The following SLC38A2 variants were observed in gnomAD, a reference collection of about 807,000 sequenced individuals.
SLC38A2 encodes sodium-coupled neutral amino acid symporter 2.
SLC38A2 carries 11 observed loss-of-function variants against 61.5 expected under a neutral mutation model. The observed-to-expected ratio is 0.18, with a 90% CI of 0.11 to 0.30. The LOEUF is 0.30. Ranked by LOEUF, SLC38A2 falls within the 10% of genes least tolerant of loss-of-function variation. The pLI is 1.00. For synonymous variants in SLC38A2, 217 were observed against 212.5 expected (o/e 1.02, Z -0.18); for missense variants, 522 against 600.4 (o/e 0.87, Z 1.36).
At chr12:46,371,447 G>T (rs1214934313) in intron 1 of SLC38A2, 68 bp from the exon 2 acceptor site, 2 of 621,380 alleles carry the variant, frequency 3.2e-6, no homozygotes, top group Non-Finnish European at 5.6e-6. Flanking sequence ...ACGCCGCCCG[G>T]AGGCGCAGCG....
At chr12:46,362,801 C>G in intron 13 of SLC38A2, 163 bp from the exon 14 acceptor site, 2 of 940,968 alleles carry the variant, frequency 2.1e-6, no homozygotes, top group South Asian at 1.9e-5. Flanking sequence ...GTTTCCTGAA[C>G]ATCTGAACAC....
At position 46,358,397 on chromosome 12, in the gene SLC38A2, C is replaced by T. The variant is rs955959891; in HGVS notation, c.*2714G>A. 2 of 152,312 alleles carry T rather than the reference C, an allele frequency of 1.3e-5. No individual in the cohort carries two copies. Among genetic ancestry groups the T allele is most frequent in the African/African-American group, 4.8e-5 (2 of 41,374 alleles). 9.4% of individuals were successfully genotyped at this position (152,312 alleles called of 1,614,324 possible). On this transcript the variant is annotated 3_prime_UTR_variant, in exon 16 of 16. Transcript: ENST00000256689. Reference sequence around the variant, plus strand: ...CTAGATCACATTTTATTTCATTACACTAGATCACATTTTGATTACTGCATT... The same window carrying T: ...CTAGATCACATTTTATTTCATTACATTAGATCACATTTTGATTACTGCATT...
chr12:46,360,647 T>C lies in SLC38A2; in HGVS notation c.*464A>G, dbSNP rs1055220090. On this transcript the variant is annotated 3_prime_UTR_variant, in exon 16 of 16. Coordinates refer to ENST00000256689, the MANE Select transcript of SLC38A2 (RefSeq NM_018976.5). ...TTTCTTAAAAGTAAAAGAGTGCTTCTGAGGTCTTTAAGTATTTTTGGTACA... is the reference window on the plus strand; with the variant it reads ...TTTCTTAAAAGTAAAAGAGTGCTTCCGAGGTCTTTAAGTATTTTTGGTACA... 1 of 153,514 alleles carries C rather than the reference T, an allele frequency of 6.5e-6. No individual in the cohort carries two copies. Among genetic ancestry groups the C allele is most frequent in the African/African-American group, 2.4e-5 (1 of 41,502 alleles). 9.5% of individuals were successfully genotyped at this position (153,514 alleles called of 1,614,324 possible). A position where few individuals can be genotyped will look rare whatever the true frequency, so the allele number is the denominator to read the frequency against.
chr12:46,372,389 C>A (rs1943215008), intron 1 of SLC38A2, 120 bp downstream of exon 1: 3 of 289,276 alleles, frequency 1.0e-5, no homozygotes, highest in African/African-American at 2.2e-5. Context: ...CCGACAACGC[C>A]CGCCTCGAAA....
rs1720660783 is a variant in SLC38A2 at position 46,370,846 on chromosome 12, T to C, written c.128A>G (p.Asp43Gly). 1 of 1,610,546 alleles carries C rather than the reference T, an allele frequency of 6.2e-7. No individual in the cohort carries two copies. The highest frequency in any genetic ancestry group is 1.7e-5 in the Admixed American group (1 of 59,428). Residue 43 changes from aspartate to glycine, a missense_variant, in exon 3 of 16, where the codon GAT (aspartate) becomes GGT (glycine). This residue lies in a region of SLC38A2 where 102 missense variants were observed against 83.1 expected (regional missense o/e 1.23). Transcript: ENST00000256689. Reference protein sequence around the residue: ...KQAALKSHYADVDPENQNFLL... With the variant: ...KQAALKSHYAGVDPENQNFLL... ...AAAGTTCTGGTTTTCAGGATCTACA[T>C]CTGCATAATGGCTGCAAAAAATATA...
At chr12:46,363,869 A>G in intron 11 of SLC38A2, 43 bp from the exon 12 acceptor site, 2 of 1,591,328 alleles carry the variant, frequency 1.3e-6, no homozygotes, top group Non-Finnish European at 1.7e-6. Flanking sequence ...TTTCAGCAGC[A>G]GTTACAGCAA....
intron 1 of SLC38A2, among the ~76,000 whole-genome samples, chr12:46,372,151 C>T (rs978585950): frequency 1.3e-5 from 2 of 152,254 alleles, no homozygotes; most frequent in African/African-American, 4.8e-5. Context: ...TCCGCCGCCC[C>T]CAGATTCCTG....
intron 2 of SLC38A2, 92 bp downstream of exon 2, chr12:46,371,086 G>A (rs1242515058): frequency 7.3e-6 from 8 of 1,089,068 alleles, no homozygotes; most frequent in Non-Finnish European, 1.1e-5. Flanking sequence ...AAATGCTATA[G>A]CAAATTAAAG....
intron 10 of SLC38A2, 32 bp from the exon 11 acceptor site, chr12:46,364,035 G>C (rs1198075076): frequency 3.9e-6 from 6 of 1,549,332 alleles, no homozygotes; most frequent in Non-Finnish European, 5.3e-6. Context: ...TACTTAATCT[G>C]ATGTAACGAA....
chr12:46,371,303 T>TG lies in SLC38A2; in HGVS notation c.-11dup. ...TTTCGGCCTTCTTCATGCTAAGCAC[T>TG]GGGAGGAATCGGGTGCAGCTAGTAG... On this transcript the variant is annotated 5_prime_UTR_variant, in exon 2 of 16. Coordinates refer to ENST00000256689, the MANE Select transcript of SLC38A2 (RefSeq NM_018976.5). The TG allele has an allele frequency of 6.2e-7, 1 of 1,610,028 alleles. No homozygotes were observed. Among genetic ancestry groups the TG allele is most frequent in the Non-Finnish European group, 8.5e-7 (1 of 1,176,280 alleles).
In SLC38A2 at chr12:46,372,655, C is replaced by G. The variant is rs527582321; in HGVS notation, c.-233G>C. The G allele has an allele frequency of 7.5e-6, 3 of 398,556 alleles. No homozygotes were observed. The highest frequency in any genetic ancestry group is 4.1e-5 in the African/African-American group (2 of 48,768). 24.7% of individuals were successfully genotyped at this position (398,556 alleles called of 1,614,324 possible). A position where few individuals can be genotyped will look rare whatever the true frequency, so the allele number is the denominator to read the frequency against. ...TAAAAAAGGAAAAGACAAATTGCCG[C>G]CCCAATCCTCCGGCGTCCGCCGTGT... On this transcript the variant is annotated 5_prime_UTR_variant, in exon 1 of 16. Coordinates refer to ENST00000256689, the MANE Select transcript of SLC38A2 (RefSeq NM_018976.5).
intron 9 of SLC38A2, 39 bp from the exon 10 acceptor site, chr12:46,364,595 C>A: frequency 6.3e-7 from 1 of 1,593,446 alleles, no homozygotes; most frequent in Admixed American, 1.8e-5. Context: ...AACTAAGTGA[C>A]ATGGCAGGGC....
intron 4 of SLC38A2, among the ~76,000 whole-genome samples, chr12:46,369,012 T>C (rs887296927): frequency 6.6e-6 from 1 of 152,214 alleles, no homozygotes; most frequent in Admixed American, 6.5e-5. Context: ...ACTTTAGCAA[T>C]CTTATTTAGC....
chr12:46,370,355 A>G (rs1156808397), intron 4 of SLC38A2, among the ~76,000 whole-genome samples, 157 bp downstream of exon 4: 2 of 152,230 alleles, frequency 1.3e-5, no homozygotes, highest in African/African-American at 4.8e-5. Context: ...AGTATGTAGT[A>G]GAATAAAGAG....
At chr12:46,362,979 A>G (rs900110090) in intron 13 of SLC38A2, 42 bp downstream of exon 13, 9 of 1,608,168 alleles carry the variant, frequency 5.6e-6, no homozygotes, top group Non-Finnish European at 7.6e-6. Flanking sequence ...TCACATGTCT[A>G]AAAACTCCTT....
chr12:46,367,242 A>C, intron 5 of SLC38A2, 25 bp downstream of exon 5: 2 of 1,581,578 alleles, frequency 1.3e-6, no homozygotes, highest in Non-Finnish European at 1.7e-6. Flanking sequence ...ACATTGTTTT[A>C]GAAAAATCAA....
Position 46,371,274 on chromosome 12 carries a change from C to A in SLC38A2, c.20G>T (p.Gly7Val), listed in dbSNP as rs749152327. Reference protein sequence around the residue: MKKAEMGRFSISPDEDS... With the variant: MKKAEMVRFSISPDEDS... ...TTCATCCGGGGAAATACTGAATCGT[C>A]CCATTTCGGCCTTCTTCATGCTAAG... The change falls in exon 2 of 16, where the codon GGA (glycine) becomes GTA (valine). Residue 7 changes from glycine to valine, a missense_variant. Gly to Val is a moderately radical substitution (Grantham distance 109). Coordinates refer to ENST00000256689, the MANE Select transcript of SLC38A2 (RefSeq NM_018976.5). The A allele has an allele frequency of 6.2e-7, 1 of 1,614,200 alleles. No individual in the cohort carries two copies. Among genetic ancestry groups the A allele is most frequent in the South Asian group, 1.1e-5 (1 of 91,086 alleles).
At chr12:46,365,828 T>C (rs935945390) in intron 7 of SLC38A2, among the ~76,000 whole-genome samples, 19 of 152,270 alleles carry the variant, frequency 1.2e-4, no homozygotes, top group African/African-American at 4.3e-4. Context: ...TTTTGAACTT[T>C]AGAAAACATT....
At position 46,361,266 on chromosome 12, in the gene SLC38A2, TTTC is replaced by T. The variant is rs377428557; in HGVS notation, c.1423-60_1423-58del. On this transcript the variant is annotated intron_variant, in intron 15 of 15. Coordinates refer to ENST00000256689, the MANE Select transcript of SLC38A2 (RefSeq NM_018976.5). ...AGTAATAAAACATATATGCTAAACA[TTTC>T]TTCTATTTTTTGAAATGTGCTTTAA... 64 of 1,370,114 alleles carry T rather than the reference TTTC, an allele frequency of 4.7e-5. 1 individual carries two copies. The highest frequency in any genetic ancestry group is 4.4e-4 in the African/African-American group (31 of 69,690). The allele number at this position is 1,370,114 out of a possible 1,614,324, so 84.9% of individuals were successfully genotyped here. A position where few individuals can be genotyped will look rare whatever the true frequency, so the allele number is the denominator to read the frequency against.
Sources: allele counts gnomAD v4.1 joint callset (sites outside exome capture counted in the v4.1 genomes callset), GRCh38; gene constraint gnomAD v4.1.1; regional missense constraint gnomAD v4.1.1; transcripts MANE v1.5; gene names NCBI Gene and HGNC (gene_info 2026-07-23, HGNC 2026-07-21).